Variants in KRT12 observed in about 807,000 individuals in gnomAD.
KRT12 encodes keratin, type I cytoskeletal 12.
In KRT12, 43 loss-of-function variants were observed where a neutral mutation model predicts 50.2. The observed-to-expected ratio is 0.86, with a 90% CI of 0.67 to 1.11. KRT12 has a LOEUF of 1.11. KRT12 is among the 50% of genes least tolerant of loss of function. KRT12 has a pLI of 0.00. For missense variants in KRT12, 588 were observed against 625.6 expected, an observed-to-expected ratio of 0.94 and a Z score of 0.64; for synonymous variants, 257 against 253.6, an observed-to-expected ratio of 1.01 and a Z score of -0.13.
intron 2 of KRT12, 98 bp downstream of exon 2, chr17:40,866,057 G>A: frequency 3.4e-6 from 3 of 874,790 alleles, no homozygotes. Flanking sequence ...AATATATGGA[G>A]TATGTGAACT....
Position 40,863,092 on chromosome 17 carries a change from A to G in KRT12, c.1316+31T>C. The G allele has an allele frequency of 6.3e-7, 1 of 1,591,210 alleles. No homozygotes were observed. Among genetic ancestry groups the G allele is most frequent in the Non-Finnish European group, 8.6e-7 (1 of 1,159,228 alleles). On this transcript the variant is annotated intron_variant, in intron 6 of 7. Coordinates refer to ENST00000251643, the MANE Select transcript of KRT12 (RefSeq NM_000223.4). This position sits in a 1 kb window ranked among gnomAD's most constrained non-coding sequence, Gnocchi z 4.2. ...GCTGCCCACTCTTGGTCAGCCCCTG[A>G]AGGTGTTTACAGCCTCCGTTGTCTG...
Position 40,862,573 on chromosome 17 carries a change from G to GA in KRT12, c.1378dup (p.Ser460PhefsTer3). 6.2e-7 allele frequency: 1 copy of GA among 1,610,440 alleles called. No homozygotes were observed. The highest frequency in any genetic ancestry group is 8.5e-7 in the Non-Finnish European group (1 of 1,176,752). ...CTAGGGTTTCTGCATACCTTTAGAGGAATCAGTTGACTGTGCTTGTGATTT... is the reference window on the plus strand; with the variant it reads ...CTAGGGTTTCTGCATACCTTTAGAGGAAATCAGTTGACTGTGCTTGTGATTT... On this transcript the variant is annotated frameshift_variant, in exon 7 of 8. Transcript: ENST00000251643. LOFTEE classifies it high-confidence loss of function.
At chr17:40,862,088 A>G (rs1906824771) in intron 7 of KRT12, among the ~76,000 whole-genome samples, 2 of 152,036 alleles carry the variant, frequency 1.3e-5, no homozygotes, top group African/African-American at 4.8e-5. Context: ...ATTTTCTTAA[A>G]GACAGGGTCT....
intron 6 of KRT12, 158 bp downstream of exon 6, chr17:40,862,965 T>G: frequency 1.4e-6 from 1 of 708,784 alleles, no homozygotes; most frequent in Non-Finnish European, 2.4e-6. Context: ...GAAAACACTT[T>G]GCAAAGTGTA....
intron 6 of KRT12, 99 bp from the exon 7 acceptor site, chr17:40,862,734 G>T: frequency 1.1e-6 from 1 of 906,588 alleles, no homozygotes; most frequent in Non-Finnish European, 1.9e-6. Flanking sequence ...TTGTAGGCCT[G>T]AGTTCTTCCA....
In KRT12 at chr17:40,861,621, G is replaced by T. The variant is rs542518163; in HGVS notation, c.*40C>A. 2 of 1,226,508 alleles carry T rather than the reference G, an allele frequency of 1.6e-6. No homozygotes were observed. Among genetic ancestry groups the T allele is most frequent in the South Asian group, 1.2e-5 (1 of 83,362 alleles). The allele number at this position is 1,226,508 out of a possible 1,614,324, so 76.0% of individuals were successfully genotyped here. On this transcript the variant is annotated 3_prime_UTR_variant, in exon 8 of 8. Transcript: ENST00000251643. The stretch of plus-strand genomic sequence containing the variant: ...AATAATTTCTACTTGTAAATTTCTT[G>T]TTCCTAAGGAACCAATCATGGGGCA...
At chr17:40,866,335 T>G (rs1242601254) in intron 1 of KRT12, 98 bp from the exon 2 acceptor site, 3 of 943,544 alleles carry the variant, frequency 3.2e-6, no homozygotes. Context: ...TGATATTAAA[T>G]GCTGTTTTAT....
chr17:40,863,268 T>C lies in KRT12; in HGVS notation c.1171A>G (p.Ile391Val), dbSNP rs1906872707. 1 of 1,613,936 alleles carries C rather than the reference T, an allele frequency of 6.2e-7. No individual in the cohort carries two copies. Among genetic ancestry groups the C allele is most frequent in the Non-Finnish European group, 8.5e-7 (1 of 1,179,918 alleles). The change falls in exon 6 of 8, where the codon ATC becomes GTC. Residue 391 changes from isoleucine to valine, a missense_variant. Ile to Val is a conservative substitution (Grantham distance 29). Transcript: ENST00000251643. The surrounding 1 kb of genome is among the most constrained non-coding windows in gnomAD (Gnocchi z 4.2). ...AGCAGCTGTGCCTCCAGGTTGCTGA[T>C]GAGCTGCTGCACCTGGGACAGCTGC... ...CAQLSQVQQL[I>V]SNLEAQLLQV...
rs71155107 is a variant in KRT12, at chr17:40,863,953, TACACACACAC to T, written c.808-99_808-90del. 169 of 513,780 alleles carry T rather than the reference TACACACACAC, an allele frequency of 3.3e-4. No homozygotes were observed. Among genetic ancestry groups the T allele is most frequent in the African/African-American group, 6.2e-4 (29 of 46,474 alleles). 31.8% of individuals were successfully genotyped at this position (513,780 alleles called of 1,614,324 possible). A position where few individuals can be genotyped will look rare whatever the true frequency, so the allele number is the denominator to read the frequency against. On this transcript the variant is annotated intron_variant, in intron 3 of 7. Coordinates refer to ENST00000251643, the MANE Select transcript of KRT12 (RefSeq NM_000223.4). This position sits in a 1 kb window ranked among gnomAD's most constrained non-coding sequence, Gnocchi z 4.2. Reference sequence around the variant, plus strand: ...ACTTTTGTCCTCTTGGGCCCCTTCCTACACACACACACACACACACACACACACACACACA... The same window carrying T: ...ACTTTTGTCCTCTTGGGCCCCTTCCTACACACACACACACACACACACACA...
chr17:40,864,763 GA>G (rs11422105), intron 3 of KRT12, 42 bp downstream of exon 3: 175 of 1,487,022 alleles, frequency 1.2e-4, no homozygotes, highest in East Asian at 3.8e-4. Flanking sequence ...GGGTCTGGGA[GA>G]AAAAAAAAAG....
rs1222028789 is a variant in KRT12, at chr17:40,866,044, G to C, written c.650+111C>G. The C allele has an allele frequency of 5.7e-5, 46 of 811,662 alleles. No individual in the cohort carries two copies. The East Asian group carries it at 1.2e-3, about 20-fold the overall frequency. 50.3% of individuals were successfully genotyped at this position (811,662 alleles called of 1,614,324 possible). ...CACCCTATGTGAATTTACCAAAACA[G>C]TAAATATATGGAGTATGTGAACTTC... On this transcript the variant is annotated intron_variant, in intron 2 of 7. Transcript: ENST00000251643.
rs776521744 is a variant in KRT12 at position 40,863,763 on chromosome 17, C to G, written c.909G>C (p.Ala303=). 1 of 1,613,192 alleles carries G rather than the reference C, an allele frequency of 6.2e-7. No homozygotes were observed. Among genetic ancestry groups the G allele is most frequent in the Non-Finnish European group, 8.5e-7 (1 of 1,180,012 alleles). The part of the protein sequence containing the change: ...DLTRLLNDMR[A]QYETIAEQNR... ...TCTGCTCAGCGATGGTTTCATACTG[C>G]GCCCGCATATCATTGAGGAGCCTGG... Residue 303 remains alanine, a synonymous_variant, in exon 4 of 8, where the codon GCG becomes GCC. Transcript: ENST00000251643. The surrounding 1 kb of genome is among the most constrained non-coding windows in gnomAD (Gnocchi z 4.2).
At chr17:40,864,054 CT>C (rs200971394) in intron 3 of KRT12, among the ~76,000 whole-genome samples, 190 bp from the exon 4 acceptor site, 1,651 of 151,358 alleles carry the variant, frequency 0.011, 20 homozygotes, top group Non-Finnish European at 0.018. Context: ...TACATTAAAA[CT>C]TTTTTAACCT....
intron 2 of KRT12, among the ~76,000 whole-genome samples, chr17:40,865,574 A>C (rs1332660489): frequency 2.0e-5 from 3 of 152,236 alleles, no homozygotes; most frequent in Non-Finnish European, 2.9e-5. Flanking sequence ...ACAATGGTTG[A>C]TACATTGAAA....
chr17:40,864,901 C>T lies in KRT12; in HGVS notation c.712G>A (p.Val238Met), dbSNP rs755907195. The change falls in exon 3 of 8, where the codon GTG becomes ATG. Residue 238 changes from valine to methionine, a missense_variant. Physicochemically the swap from Val to Met is conservative, Grantham distance 21. Transcript: ENST00000251643. ...CTGGTCAGGGTCAGCTCGTCCAGCA[C>T]CCGGCGCAGGCCATTGATGTCGGCC... ...VEADINGLRR[V>M]LDELTLTRTD... 9 of 1,614,130 alleles carry T rather than the reference C, an allele frequency of 5.6e-6. No individual in the cohort carries two copies. The East Asian group carries it at 2.0e-4, about 36-fold the overall frequency.
chr17:40,867,202 G>A lies in KRT12; in HGVS notation c.-16C>T. 6.3e-7 allele frequency: 1 copy of A among 1,599,502 alleles called. No individual in the cohort carries two copies. Among genetic ancestry groups the A allele is most frequent in the African/African-American group, 1.3e-5 (1 of 75,002 alleles). ...AGAGATCCATGGCCTGGGGAAGGTGGCCACAACTGGAGAGGAAGTTGTGCC... is the reference window on the plus strand; with the variant it reads ...AGAGATCCATGGCCTGGGGAAGGTGACCACAACTGGAGAGGAAGTTGTGCC... On this transcript the variant is annotated 5_prime_UTR_variant, in exon 1 of 8. Transcript: ENST00000251643.
At position 40,861,668 on chromosome 17, in the gene KRT12, A is replaced by C. The variant is rs539039130; in HGVS notation, c.1478T>G (p.Leu493Arg). Residue 493 changes from leucine (L) to arginine (R), a missense_variant, in exon 8 of 8, where the codon CTA becomes CGA. Physicochemically the swap from Leu to Arg is moderately radical, Grantham distance 102. Transcript: ENST00000251643. ...GGCAGATCTTGTGAAATTTTACATT[A>C]GTTCTTCAATTTCCTGAACTTGAGA... ...VSSQVQEIEELM is the reference protein window; with the variant it reads ...VSSQVQEIEERM 1.3e-6 allele frequency: 2 copies of C among 1,593,356 alleles called. No homozygotes were observed. Among genetic ancestry groups the C allele is most frequent in the East Asian group, 2.2e-5 (1 of 44,772 alleles).
chr17:40,866,770 GT>G lies in KRT12; in HGVS notation c.416del (p.Tyr139SerfsTer8). 2 of 1,614,128 alleles carry G rather than the reference GT, an allele frequency of 1.2e-6. No individual in the cohort carries two copies. The highest frequency in any genetic ancestry group is 2.2e-5 in the South Asian group (2 of 91,078). ...MQNLNDRLAS[Y>X]LDKVRALEEA... ...CTTCTAGAGCTCGCACCTTATCCAG[GT>G]AGGAAGCTAATCTATCATTAAGATT... On this transcript the variant is annotated frameshift_variant, in exon 1 of 8. Transcript: ENST00000251643. LOFTEE classifies it high-confidence loss of function.
At position 40,863,041 on chromosome 17, in the gene KRT12, A is replaced by G; in HGVS notation, c.1316+82T>C. On this transcript the variant is annotated intron_variant, in intron 6 of 7. Coordinates refer to ENST00000251643, the MANE Select transcript of KRT12 (RefSeq NM_000223.4). The surrounding 1 kb of genome is among the most constrained non-coding windows in gnomAD (Gnocchi z 4.2). The stretch of plus-strand genomic sequence containing the variant: ...TGTTTGTTTGTTTGCTTTTCTGTCA[A>G]CTAAAACCCCATTCCTTCTATTTCT... The G allele has an allele frequency of 4.1e-6, 5 of 1,212,758 alleles. No individual in the cohort carries two copies. The highest frequency in any genetic ancestry group is 6.1e-6 in the Non-Finnish European group (5 of 821,814). The allele number at this position is 1,212,758 out of a possible 1,614,324, so 75.1% of individuals were successfully genotyped here.
Sources: gnomAD v4.1 joint callset for allele counts (sites outside exome capture counted in the v4.1 genomes callset) on GRCh38, gnomAD v4.1.1 for gene constraint, Gnocchi (gnomAD v3.1) non-coding constraint, MANE v1.5 for transcripts, NCBI Gene and HGNC (gene_info 2026-07-23, HGNC 2026-07-21) for gene names.